Variants in TYW1 observed in about 807,000 individuals in gnomAD.
The protein encoded by TYW1 is S-adenosyl-L-methionine-dependent tRNA 4-demethylwyosine synthase TYW1.
TYW1 carries 46 observed loss-of-function variants against 96.2 expected under a neutral mutation model. That is an observed-to-expected ratio of 0.48 (90% CI 0.38 to 0.61). The LOEUF is 0.61. Among genes scored for constraint, TYW1 ranks in the 20% least tolerant of loss-of-function variants. TYW1 has a pLI of 0.00. For synonymous variants in TYW1, 274 were observed against 323.0 expected, an observed-to-expected ratio of 0.85 and a Z score of 1.63; for missense variants, 684 against 909.6, an observed-to-expected ratio of 0.75 and a Z score of 3.19.
chr7:67,059,253 C>T (rs1384218548), intron 9 of TYW1, among the ~76,000 whole-genome samples: 1 of 151,622 alleles, frequency 6.6e-6, no homozygotes, highest in African/African-American at 2.4e-5. Flanking sequence ...GCGCCCGCCA[C>T]CACTCCCGGC....
intron 9 of TYW1, among the ~76,000 whole-genome samples, chr7:67,065,495 G>T (rs1795827629): frequency 6.6e-6 from 1 of 152,122 alleles, no homozygotes; most frequent in Non-Finnish European, 1.5e-5. Flanking sequence ...TTTGTTGGAC[G>T]TTTCGGTTTT....
At chr7:67,108,265 T>G (rs1004365230) in intron 12 of TYW1, among the ~76,000 whole-genome samples, 11 of 152,140 alleles carry the variant, frequency 7.2e-5, no homozygotes, top group Non-Finnish European at 1.6e-4. Flanking sequence ...CTGAATAATA[T>G]AGTCTCAAGA....
intron 9 of TYW1, among the ~76,000 whole-genome samples, chr7:67,059,821 G>C (rs1472049842): frequency 6.6e-6 from 1 of 151,930 alleles, no homozygotes. Flanking sequence ...CACCCAGGCT[G>C]GAGTGCAGTG....
In TYW1 at chr7:67,131,315, C is replaced by A. The variant is rs574152572; in HGVS notation, c.1698+13697C>A. ...TTTGTTTGAATTTTACAAAATGATGCCCTCTATTGTCATTTTTGTGTATAT... is the reference window on the plus strand; with the variant it reads ...TTTGTTTGAATTTTACAAAATGATGACCTCTATTGTCATTTTTGTGTATAT... On this transcript the variant is annotated intron_variant, in intron 13 of 15. Coordinates refer to ENST00000359626, the MANE Select transcript of TYW1 (RefSeq NM_018264.4). Among the ~76,000 whole-genome samples the A allele has an allele frequency of 1.6e-4, 25 of 152,162 alleles. 1 individual carries two copies. The highest frequency in any genetic ancestry group is 6.8e-3 in the Middle Eastern group (2 of 294).
intron 3 of TYW1, among the ~76,000 whole-genome samples, chr7:67,001,554 A>T (rs1416359484): frequency 6.6e-6 from 1 of 151,092 alleles, no homozygotes; most frequent in Admixed American, 6.6e-5. Context: ...CCTGAGTAGC[A>T]GGGACTATAG....
chr7:67,122,064 T>G (rs1797776176), intron 13 of TYW1, among the ~76,000 whole-genome samples: 1 of 151,854 alleles, frequency 6.6e-6, no homozygotes, highest in South Asian at 2.1e-4. Context: ...TAAACTTTTA[T>G]CAGCAATGTG....
intron 3 of TYW1, among the ~76,000 whole-genome samples, chr7:67,004,484 A>G (rs1341804808): frequency 1.3e-5 from 2 of 151,770 alleles, no homozygotes; most frequent in Non-Finnish European, 2.9e-5. Context: ...TTTCACTTCT[A>G]CTCTGCCAGG....
At position 67,027,903 on chromosome 7, in the gene TYW1, C is replaced by G. The variant is rs568137595; in HGVS notation, c.984+2881C>G. ...AGAGATCGCGCCACTGCACTCCAGC[C>G]TGGGTGACAGAGCGAGACTCCATCT... On this transcript the variant is annotated intron_variant, in intron 7 of 15. Transcript: ENST00000359626. 1.1e-3 allele frequency among the ~76,000 whole-genome samples: 158 copies of G among 144,842 alleles called. 1 individual carries two copies. In the Middle Eastern group the frequency reaches 0.031, roughly 28 times the overall value.
At chr7:67,217,767 C>T (rs1563076155) in intron 15 of TYW1, among the ~76,000 whole-genome samples, 2 of 137,360 alleles carry the variant, frequency 1.5e-5, no homozygotes, top group African/African-American at 2.8e-5. Flanking sequence ...GGATAGATTT[C>T]TATTTCTACA....
chr7:67,039,575 C>T (rs1031811684), intron 7 of TYW1, among the ~76,000 whole-genome samples: 4 of 152,084 alleles, frequency 2.6e-5, no homozygotes, highest in African/African-American at 9.7e-5. Context: ...AATCTCCTTT[C>T]CTGAGGAACA....
intron 9 of TYW1, among the ~76,000 whole-genome samples, chr7:67,065,439 C>T (rs763327488): frequency 1.1e-4 from 17 of 152,144 alleles, no homozygotes; most frequent in Non-Finnish European, 2.4e-4. Flanking sequence ...AGCTTTGTTT[C>T]TCTAGTGGCA....
chr7:67,098,446 T>C lies in TYW1; in HGVS notation c.1385-95T>C, dbSNP rs190841057. On this transcript the variant is annotated intron_variant, in intron 11 of 15. Transcript: ENST00000359626. ...GTATTCTTTGGTATCAAAAATGAAT[T>C]TGCTCTATAAAATCAAAGCATCATT... 3,205 of 1,288,434 alleles carry C rather than the reference T, an allele frequency of 2.5e-3. 123 individuals are homozygous for C. The East Asian group carries it at 0.078, about 31-fold the overall frequency. 79.8% of individuals were successfully genotyped at this position (1,288,434 alleles called of 1,614,324 possible).
chr7:67,046,861 A>G (rs1795204061), intron 7 of TYW1, among the ~76,000 whole-genome samples: 1 of 152,180 alleles, frequency 6.6e-6, no homozygotes, highest in Admixed American at 6.5e-5. Context: ...CTCACATTTT[A>G]TAATAGATAC....
At chr7:67,220,061 T>C (rs1472995226) in intron 15 of TYW1, among the ~76,000 whole-genome samples, 2 of 150,882 alleles carry the variant, frequency 1.3e-5, no homozygotes, top group African/African-American at 4.9e-5. Context: ...CGTTTTGATA[T>C]GTGGTGGTTT....
At chr7:67,148,221 A>G (rs181905531) in intron 13 of TYW1, among the ~76,000 whole-genome samples, 1 of 152,124 alleles carries the variant, frequency 6.6e-6, no homozygotes, top group East Asian at 1.9e-4. Flanking sequence ...TGATCTTTAT[A>G]TATCTCAGTA....
intron 13 of TYW1, among the ~76,000 whole-genome samples, chr7:67,142,387 A>G (rs1483574999): frequency 1.3e-5 from 2 of 151,942 alleles, no homozygotes; most frequent in Non-Finnish European, 2.9e-5. Context: ...TATAGATGTG[A>G]GCCACCACAT....
intron 15 of TYW1, among the ~76,000 whole-genome samples, chr7:67,210,863 A>G (rs67890875): frequency 0.27 from 39,502 of 148,884 alleles, 5,642 homozygotes; most frequent in African/African-American, 0.36. Flanking sequence ...TCCACCTTCT[A>G]TCATCTATCT....
At chr7:67,185,680 A>G (rs1799995594) in intron 14 of TYW1, among the ~76,000 whole-genome samples, 1 of 151,976 alleles carries the variant, frequency 6.6e-6, no homozygotes, top group Non-Finnish European at 1.5e-5. Flanking sequence ...TAAATATCCA[A>G]GTAGAAGTTT....
chr7:67,165,036 CT>C (rs1799277649), intron 13 of TYW1, among the ~76,000 whole-genome samples: 1 of 151,284 alleles, frequency 6.6e-6, no homozygotes, highest in Non-Finnish European at 1.5e-5. Context: ...TGCCATGTTA[CT>C]TTTCTAAACG....
Sources: allele counts gnomAD v4.1 joint callset (sites outside exome capture counted in the v4.1 genomes callset), GRCh38; gene constraint gnomAD v4.1.1; transcripts MANE v1.5; gene names NCBI Gene and HGNC (gene_info 2026-07-23, HGNC 2026-07-21).